Variants in CSTPP1 observed in about 807,000 individuals in gnomAD.
CSTPP1 encodes centriolar satellite-associated tubulin polyglutamylase complex regulator 1.
the CSTPP1 span, chr11:47,160,461 G>GCGT: frequency 6.6e-6 from 1 of 152,336 alleles, no homozygotes; most frequent in East Asian, 1.9e-4. Context: ...ACTGGTTGAC[G>GCGT]CGTCACGGAG....
At chr11:47,073,618 G>T in the CSTPP1 span, among the ~76,000 whole-genome samples, 3 of 151,978 alleles carry the variant, frequency 2.0e-5, no homozygotes, top group African/African-American at 7.3e-5. Flanking sequence ...AGGAGGGAGA[G>T]AAGAAGGCAT....
the CSTPP1 span, among the ~76,000 whole-genome samples, chr11:47,001,471 C>G: frequency 9.9e-5 from 15 of 151,230 alleles, no homozygotes; most frequent in Non-Finnish European, 1.8e-4. Flanking sequence ...ATTAATTCAT[C>G]CTTGGAGAAA....
the CSTPP1 span, among the ~76,000 whole-genome samples, chr11:47,081,833 G>A: frequency 6.6e-6 from 1 of 151,732 alleles, no homozygotes; most frequent in Non-Finnish European, 1.5e-5. Context: ...GCTCATACCT[G>A]TAATCCCAGC....
the CSTPP1 span, among the ~76,000 whole-genome samples, chr11:46,938,832 C>T: frequency 5.1e-5 from 7 of 137,932 alleles, no homozygotes; most frequent in East Asian, 1.5e-3. Flanking sequence ...GGCTGGAGTG[C>T]AGTGGCACTA....
the CSTPP1 span, among the ~76,000 whole-genome samples, chr11:47,039,794 G>T: frequency 1.6e-5 from 2 of 128,384 alleles, 1 homozygote; most frequent in Non-Finnish European, 3.7e-5. Flanking sequence ...AGCCGAGATC[G>T]TGCCACTGCA....
chr11:47,044,047 C>T, the CSTPP1 span, among the ~76,000 whole-genome samples: 1 of 152,164 alleles, frequency 6.6e-6, no homozygotes, highest in East Asian at 1.9e-4. Context: ...AGTGTAGTGG[C>T]GTGATCTCGG....
chr11:47,023,619 A>G, the CSTPP1 span, among the ~76,000 whole-genome samples: 1 of 151,912 alleles, frequency 6.6e-6, no homozygotes, highest in African/African-American at 2.4e-5. Flanking sequence ...ATTCCTTCTG[A>G]CCCCCTAGCT....
chr11:47,156,020 G>A, the CSTPP1 span: 2 of 152,206 alleles, frequency 1.3e-5, no homozygotes, highest in South Asian at 4.1e-4. Context: ...AAACAAACTT[G>A]CTTAAAACAG....
chr11:46,993,691 A>T, the CSTPP1 span, among the ~76,000 whole-genome samples: 1 of 152,098 alleles, frequency 6.6e-6, no homozygotes, highest in Non-Finnish European at 1.5e-5. Flanking sequence ...CTTGTAGTAT[A>T]GTTTGAAGTC....
the CSTPP1 span, among the ~76,000 whole-genome samples, chr11:47,055,617 T>G: frequency 6.6e-6 from 1 of 152,206 alleles, no homozygotes; most frequent in Non-Finnish European, 1.5e-5. Flanking sequence ...GTGGGTATTA[T>G]TGTGCCCATT....
chr11:46,998,931 G>A, the CSTPP1 span, among the ~76,000 whole-genome samples: 1 of 151,832 alleles, frequency 6.6e-6, no homozygotes, highest in African/African-American at 2.4e-5. Flanking sequence ...TAGTAGAGAG[G>A]GGGCTTCACC....
chr11:47,016,393 A>AAG, the CSTPP1 span, among the ~76,000 whole-genome samples: 1 of 146,002 alleles, frequency 6.8e-6, no homozygotes, highest in Non-Finnish European at 1.5e-5. Flanking sequence ...GAATCTACAA[A>AAG]AAACAAAAAA....
chr11:47,016,397 C>CAAAAAA, the CSTPP1 span, among the ~76,000 whole-genome samples: 1 of 74,698 alleles, frequency 1.3e-5, no homozygotes. Flanking sequence ...CTACAAAAAA[C>CAAAAAA]AAAAAACAAA....
At chr11:46,958,737 C>T in the CSTPP1 span, among the ~76,000 whole-genome samples, 96 of 121,850 alleles carry the variant, frequency 7.9e-4, no homozygotes, top group African/African-American at 2.3e-3. Flanking sequence ...GGTGTAGTTC[C>T]GTCTGAGTTC....
the CSTPP1 span, among the ~76,000 whole-genome samples, chr11:47,000,381 A>T: frequency 3.2e-4 from 49 of 152,312 alleles, 1 homozygote; most frequent in Non-Finnish European, 3.4e-4. Flanking sequence ...GGCTAAATTG[A>T]TAGTTCCAAC....
At chr11:47,004,910 T>A in the CSTPP1 span, among the ~76,000 whole-genome samples, 1 of 152,178 alleles carries the variant, frequency 6.6e-6, no homozygotes, top group African/African-American at 2.4e-5. Context: ...ACAGTTGGAA[T>A]GTATTGAGAA....
At chr11:47,068,492 A>G in the CSTPP1 span, among the ~76,000 whole-genome samples, 3 of 152,190 alleles carry the variant, frequency 2.0e-5, no homozygotes, top group South Asian at 4.1e-4. Flanking sequence ...AGATCATGCC[A>G]CTGCACTCCA....
the CSTPP1 span, among the ~76,000 whole-genome samples, chr11:47,110,890 C>CTTTTTTT: frequency 0.1 from 12,466 of 124,806 alleles, 1,026 homozygotes; most frequent in African/African-American, 0.18. Flanking sequence ...GAGAACACAT[C>CTTTTTTT]TTTTTTTTTT....
the CSTPP1 span, among the ~76,000 whole-genome samples, chr11:47,057,608 T>G: frequency 9.9e-5 from 15 of 151,878 alleles, no homozygotes; most frequent in African/African-American, 3.6e-4. Flanking sequence ...GGGAGAGAGA[T>G]TGTCAAAGAG....
Sources: allele counts gnomAD v4.1 joint callset (sites outside exome capture counted in the v4.1 genomes callset), GRCh38; gene constraint gnomAD v4.1.1; transcripts MANE v1.5; gene names NCBI Gene and HGNC (gene_info 2026-07-23, HGNC 2026-07-21).